Variants in DNM3 observed in about 807,000 individuals in gnomAD.
DNM3 encodes dynamin-3.
A neutral mutation model predicts 101.6 loss-of-function variants in DNM3; 47 were observed. That is an observed-to-expected ratio of 0.46 (90% CI 0.37 to 0.59). The LOEUF (loss-of-function observed/expected upper bound fraction) is 0.59, where lower values mean the gene tolerates loss of function less well. Among genes scored for constraint, DNM3 ranks in the 20% least tolerant of loss-of-function variants. The pLI, the probability that DNM3 is intolerant of heterozygous loss-of-function variation, is 0.00. For missense variants in DNM3, 849 were observed against 1,085.7 expected (o/e 0.78, Z 3.06); for synonymous variants, 385 against 387.9 (o/e 0.99, Z 0.09).
At chr1:172,236,414 A>T (rs772830124) in intron 14 of DNM3, among the ~76,000 whole-genome samples, 2 of 152,208 alleles carry the variant, frequency 1.3e-5, no homozygotes, top group Non-Finnish European at 1.5e-5. Context: ...GAAAGGCAGG[A>T]TAGCTCTGAC....
intron 14 of DNM3, among the ~76,000 whole-genome samples, chr1:172,232,336 A>T (rs950289038): frequency 1.3e-5 from 2 of 152,214 alleles, no homozygotes; most frequent in Non-Finnish European, 2.9e-5. Flanking sequence ...AAGAAGAGCT[A>T]ACTATCCTAA....
At chr1:172,287,042 T>C (rs1165917721) in intron 15 of DNM3, among the ~76,000 whole-genome samples, 1 of 152,108 alleles carries the variant, frequency 6.6e-6, no homozygotes, top group Admixed American at 6.6e-5. Flanking sequence ...AATTTCTCCT[T>C]TATAGCTCAC....
intron 17 of DNM3, among the ~76,000 whole-genome samples, chr1:172,349,156 C>A (rs1234858586): frequency 1.3e-5 from 2 of 152,118 alleles, no homozygotes; most frequent in African/African-American, 4.8e-5. Flanking sequence ...GATTCCTACA[C>A]CACATTTGCT....
chr1:172,381,394 A>G (rs922970039), intron 18 of DNM3, among the ~76,000 whole-genome samples: 3 of 152,010 alleles, frequency 2.0e-5, no homozygotes, highest in Non-Finnish European at 4.4e-5. Context: ...AACTTTTTGT[A>G]TCTACCAGAA....
intron 19 of DNM3, 100 bp downstream of exon 19, chr1:172,387,459 C>T (rs1242874826): frequency 1.0e-6 from 1 of 960,588 alleles, no homozygotes; most frequent in African/African-American, 1.7e-5. Flanking sequence ...AGATCGAGAC[C>T]ATCCTGGCGA....
chr1:172,011,734 T>G (rs1032576404), intron 4 of DNM3, among the ~76,000 whole-genome samples: 1 of 152,076 alleles, frequency 6.6e-6, no homozygotes, highest in Non-Finnish European at 1.5e-5. Context: ...CTTCTTCTAT[T>G]GTTTGTATCA....
At chr1:172,021,555 CAT>C (rs2047857167) in intron 4 of DNM3, among the ~76,000 whole-genome samples, 1 of 152,164 alleles carries the variant, frequency 6.6e-6, no homozygotes, top group Non-Finnish European at 1.5e-5. Flanking sequence ...GGACAAAAAA[CAT>C]AAACTGTAAT....
chr1:172,201,934 T>A (rs1174982348), intron 14 of DNM3, among the ~76,000 whole-genome samples: 1 of 152,174 alleles, frequency 6.6e-6, no homozygotes, highest in African/African-American at 2.4e-5. Context: ...TGCCTTGGAT[T>A]TTCCTGTACC....
At chr1:172,194,728 A>G (rs747543361) in intron 14 of DNM3, among the ~76,000 whole-genome samples, 1 of 151,798 alleles carries the variant, frequency 6.6e-6, no homozygotes, top group Non-Finnish European at 1.5e-5. Flanking sequence ...ATCTTCCTCC[A>G]TCCCTTTATT....
In DNM3 at chr1:172,071,086, CATATATATATATATATATATAT is replaced by C. The variant is rs56255511; in HGVS notation, c.1422+2194_1422+2215del. Reference sequence around the variant, plus strand: ...GCCTGGGTGACAGAGCAAGACCCTGCATATATATATATATATATATATATATATATATATCTTAGTTCTTAAT... The same window carrying C: ...GCCTGGGTGACAGAGCAAGACCCTGCATATATATATATCTTAGTTCTTAAT... On this transcript the variant is annotated intron_variant, in intron 11 of 20. Transcript: ENST00000627582. Among the ~76,000 whole-genome samples, 10 of 65,084 alleles carry C rather than the reference CATATATATATATATATATATAT, an allele frequency of 1.5e-4. 2 individuals are homozygous for C. The highest frequency in any genetic ancestry group is 1.4e-3 in the East Asian group (2 of 1,452). The allele number at this position is 65,084 out of a possible 152,430, so 42.7% of individuals were successfully genotyped here.
chr1:172,151,005 A>G (rs937775542), intron 14 of DNM3, among the ~76,000 whole-genome samples: 3 of 152,226 alleles, frequency 2.0e-5, no homozygotes, highest in Non-Finnish European at 4.4e-5. Context: ...ACTGATAAAT[A>G]GATCTAGATA....
chr1:172,169,755 C>G (rs1301471575), intron 14 of DNM3, among the ~76,000 whole-genome samples: 1 of 151,844 alleles, frequency 6.6e-6, no homozygotes, highest in Non-Finnish European at 1.5e-5. Context: ...TAATATTATT[C>G]CATTTACTGG....
At chr1:172,204,174 G>A (rs1351646839) in intron 14 of DNM3, among the ~76,000 whole-genome samples, 1 of 151,982 alleles carries the variant, frequency 6.6e-6, no homozygotes, top group South Asian at 2.1e-4. Flanking sequence ...CAATATAATG[G>A]CCTTTGTGAA....
intron 17 of DNM3, among the ~76,000 whole-genome samples, chr1:172,356,664 T>C (rs1031782855): frequency 6.6e-6 from 1 of 152,080 alleles, no homozygotes; most frequent in Non-Finnish European, 1.5e-5. Context: ...TTAAAGTTTA[T>C]GGTTATGAAA....
chr1:172,096,627 A>G (rs1400140145), intron 13 of DNM3, among the ~76,000 whole-genome samples: 2 of 152,212 alleles, frequency 1.3e-5, no homozygotes, highest in African/African-American at 4.8e-5. Context: ...GAGCATAGTG[A>G]AAAAGTCAGA....
At chr1:172,189,663 A>G (rs2059636181) in intron 14 of DNM3, among the ~76,000 whole-genome samples, 1 of 152,070 alleles carries the variant, frequency 6.6e-6, no homozygotes, top group Non-Finnish European at 1.5e-5. Context: ...CTATAAAGAA[A>G]TACCTGAGGC....
intron 13 of DNM3, among the ~76,000 whole-genome samples, chr1:172,096,765 C>T (rs149340962): frequency 4.6e-5 from 7 of 152,150 alleles, no homozygotes; most frequent in African/African-American, 1.7e-4. Context: ...CTCTTTCTTC[C>T]AAAGGTATTG....
At chr1:171,995,470 T>A (rs967571658) in intron 4 of DNM3, among the ~76,000 whole-genome samples, 3 of 152,134 alleles carry the variant, frequency 2.0e-5, no homozygotes, top group African/African-American at 7.2e-5. Context: ...TTGGTTAATT[T>A]CCAGAGTTCT....
intron 1 of DNM3, among the ~76,000 whole-genome samples, chr1:171,886,303 A>G (rs2125150194): frequency 6.6e-6 from 1 of 152,330 alleles, no homozygotes; most frequent in African/African-American, 2.4e-5. Flanking sequence ...TCCAGTCAGT[A>G]CCAAGTACAT....
Sources: allele counts gnomAD v4.1 joint callset (sites outside exome capture counted in the v4.1 genomes callset), GRCh38; gene constraint gnomAD v4.1.1; transcripts MANE v1.5; gene names NCBI Gene and HGNC (gene_info 2026-07-23, HGNC 2026-07-21).